THSD7A: variants seen among roughly 807,000 people sequenced by gnomAD.
The protein encoded by THSD7A is thrombospondin type-1 domain-containing protein 7A.
A neutral mutation model predicts 231.3 loss-of-function variants in THSD7A; 96 were observed. That is an observed-to-expected ratio of 0.41 (90% CI 0.35 to 0.49). The LOEUF is 0.49. Ranked by LOEUF, THSD7A falls within the 20% of genes least tolerant of loss-of-function variation. The pLI, the probability that THSD7A is intolerant of heterozygous loss-of-function variation, is 0.05. For missense variants in THSD7A, 2,290 were observed against 2,070.2 expected (o/e 1.11, Z -2.06); for synonymous variants, 940 against 743.3 (o/e 1.26, Z -4.30).
intron 1 of THSD7A, among the ~76,000 whole-genome samples, chr7:11,711,862 A>T (rs1433777706): frequency 6.6e-6 from 1 of 151,130 alleles, no homozygotes; most frequent in African/African-American, 2.4e-5. Context: ...ATCCATATAA[A>T]TAAAAGCCTC....
intron 1 of THSD7A, among the ~76,000 whole-genome samples, chr7:11,652,381 G>C (rs1035543477): frequency 6.6e-6 from 1 of 151,868 alleles, no homozygotes; most frequent in East Asian, 1.9e-4. Flanking sequence ...ACACTAAAAC[G>C]CATGACTTAT....
At chr7:11,740,550 C>T (rs1562520481) in intron 1 of THSD7A, among the ~76,000 whole-genome samples, 1 of 151,940 alleles carries the variant, frequency 6.6e-6, no homozygotes, top group Non-Finnish European at 1.5e-5. Context: ...TCTTTTCCCC[C>T]TCAGCAGCTG....
chr7:11,545,739 CAGAG>C (rs1288495187), intron 4 of THSD7A, among the ~76,000 whole-genome samples: 2 of 152,152 alleles, frequency 1.3e-5, no homozygotes, highest in Non-Finnish European at 2.9e-5. Flanking sequence ...TTTGAGTTTG[CAGAG>C]AGAGCTTATT....
chr7:11,446,895 A>G lies in THSD7A; in HGVS notation c.2800+335T>C, dbSNP rs1182488987. On this transcript the variant is annotated intron_variant, in intron 12 of 27. Transcript: ENST00000423059. The surrounding 1 kb of genome is among the most constrained non-coding windows in gnomAD (Gnocchi z 4.0). Reference sequence around the variant, plus strand: ...ATAATCTGAGGCTCTGACAGTGAGAATGGGTTAACAAAGTAGCAACTTTTT... The same window carrying G: ...ATAATCTGAGGCTCTGACAGTGAGAGTGGGTTAACAAAGTAGCAACTTTTT... Among the ~76,000 whole-genome samples, 2 of 152,112 alleles carry G rather than the reference A, an allele frequency of 1.3e-5. No homozygotes were observed. Among genetic ancestry groups the G allele is most frequent in the Non-Finnish European group, 2.9e-5 (2 of 67,994 alleles).
intron 16 of THSD7A, among the ~76,000 whole-genome samples, chr7:11,419,113 T>C (rs1244156897): frequency 6.6e-6 from 1 of 152,176 alleles, no homozygotes; most frequent in African/African-American, 2.4e-5. Context: ...AAGGATTAAC[T>C]TGTAGAATTA....
chr7:11,541,687 GAAAGTTGAATAAAACCTCAGAGTA>G, intron 5 of THSD7A, 56 bp from the exon 6 acceptor site: 2 of 1,510,642 alleles, frequency 1.3e-6, no homozygotes, highest in Non-Finnish European at 9.1e-7. Flanking sequence ...TAGTATTTCA[GAAAGTTGAATAAAACCTCAGAGTA>G]AAAGTTGGAT....
intron 2 of THSD7A, among the ~76,000 whole-genome samples, chr7:11,617,766 C>G (rs774900744): frequency 1.3e-5 from 2 of 151,946 alleles, no homozygotes; most frequent in Non-Finnish European, 2.9e-5. Flanking sequence ...ATCACAAGGA[C>G]TATAGGCGGG....
At chr7:11,460,345 A>C (rs1785458600) in intron 11 of THSD7A, among the ~76,000 whole-genome samples, 1 of 151,256 alleles carries the variant, frequency 6.6e-6, no homozygotes, top group Non-Finnish European at 1.5e-5. Context: ...TGGATACCGT[A>C]ATCTAAAAAC....
chr7:11,590,330 G>T lies in THSD7A; in HGVS notation c.1453+130C>A. 3.5e-6 allele frequency: 3 copies of T among 866,748 alleles called. No homozygotes were observed. The highest frequency in any genetic ancestry group is 1.7e-5 in the African/African-American group (1 of 58,406). 53.7% of individuals were successfully genotyped at this position (866,748 alleles called of 1,614,324 possible). ...AATGTGGATTACTGTTTACCATAGT[G>T]AATACCAACCACAATGTGAACAGAA... On this transcript the variant is annotated intron_variant, in intron 4 of 27. Transcript: ENST00000423059. The surrounding 1 kb of genome is among the most constrained non-coding windows in gnomAD (Gnocchi z 4.4).
At chr7:11,694,887 G>A (rs999203107) in intron 1 of THSD7A, among the ~76,000 whole-genome samples, 4 of 151,432 alleles carry the variant, frequency 2.6e-5, no homozygotes, top group East Asian at 2.0e-4. Flanking sequence ...CCACATAAAC[G>A]TAGCATATCT....
chr7:11,778,182 A>T (rs964937002), intron 1 of THSD7A, among the ~76,000 whole-genome samples: 1 of 148,832 alleles, frequency 6.7e-6, no homozygotes, highest in Non-Finnish European at 1.5e-5. Context: ...AAAAAAAGAA[A>T]GCCCTTTCCT....
intron 4 of THSD7A, among the ~76,000 whole-genome samples, chr7:11,546,844 T>A (rs1205287483): frequency 6.6e-6 from 1 of 152,122 alleles, no homozygotes; most frequent in African/African-American, 2.4e-5. Flanking sequence ...ATGAAATAGC[T>A]TTTTTAAGAA....
intron 1 of THSD7A, among the ~76,000 whole-genome samples, chr7:11,800,239 T>TA: frequency 6.6e-6 from 1 of 152,246 alleles, no homozygotes; most frequent in African/African-American, 2.4e-5. Context: ...AACGAAACAC[T>TA]ATTCAGTCTT....
Position 11,374,455 on chromosome 7 carries a change from A to C in THSD7A, c.*1339T>G, listed in dbSNP as rs909559078. The C allele has an allele frequency of 9.9e-5, 15 of 152,104 alleles. No homozygotes were observed. Among genetic ancestry groups the C allele is most frequent in the Non-Finnish European group, 1.5e-4 (10 of 68,006 alleles). 9.4% of individuals were successfully genotyped at this position (152,104 alleles called of 1,614,324 possible). A position where few individuals can be genotyped will look rare whatever the true frequency, so the allele number is the denominator to read the frequency against. On this transcript the variant is annotated 3_prime_UTR_variant, in exon 28 of 28. Coordinates refer to ENST00000423059, the MANE Select transcript of THSD7A (RefSeq NM_015204.3). ...TTGCCAGTGAGAAAGGCAAAAGACT[A>C]TGGATTTTGAAATAACTGCCTGCAA...
chr7:11,373,823 T>A lies in THSD7A; in HGVS notation c.*1971A>T, dbSNP rs896830956. On this transcript the variant is annotated 3_prime_UTR_variant, in exon 28 of 28. Coordinates refer to ENST00000423059, the MANE Select transcript of THSD7A (RefSeq NM_015204.3). Reference sequence around the variant, plus strand: ...CACAGCTGTTTAAGATAAAATAGCATGTTAGTTATATTATTTTTCAAATAT... The same window carrying A: ...CACAGCTGTTTAAGATAAAATAGCAAGTTAGTTATATTATTTTTCAAATAT... The A allele has an allele frequency of 2.0e-5, 3 of 151,982 alleles. No homozygotes were observed. Among genetic ancestry groups the A allele is most frequent in the African/African-American group, 4.8e-5 (2 of 41,400 alleles). The allele number at this position is 151,982 out of a possible 1,614,324, so 9.4% of individuals were successfully genotyped here. A position where few individuals can be genotyped will look rare whatever the true frequency, so the allele number is the denominator to read the frequency against.
intron 1 of THSD7A, among the ~76,000 whole-genome samples, chr7:11,826,826 A>C (rs1445127010): frequency 6.6e-6 from 1 of 151,930 alleles, no homozygotes; most frequent in Non-Finnish European, 1.5e-5. Context: ...AAAAAAAAAA[A>C]AAAAAAATGC....
At chr7:11,581,253 G>A (rs1254077273) in intron 4 of THSD7A, among the ~76,000 whole-genome samples, 2 of 151,788 alleles carry the variant, frequency 1.3e-5, no homozygotes, top group Non-Finnish European at 2.9e-5. Flanking sequence ...ACTTAACTGG[G>A]TATTTATACG....
chr7:11,514,154 A>T (rs949043005), intron 6 of THSD7A, among the ~76,000 whole-genome samples: 2 of 151,586 alleles, frequency 1.3e-5, no homozygotes, highest in Non-Finnish European at 2.9e-5. Context: ...GCTCTCCTTG[A>T]CCACTCAAAA....
intron 1 of THSD7A, among the ~76,000 whole-genome samples, chr7:11,723,686 C>T (rs913853167): frequency 1.3e-5 from 2 of 151,696 alleles, no homozygotes; most frequent in East Asian, 3.9e-4. Flanking sequence ...GATCAGGAGG[C>T]TAGCCACTTA....
Sources: allele counts gnomAD v4.1 joint callset (sites outside exome capture counted in the v4.1 genomes callset), GRCh38; gene constraint gnomAD v4.1.1; non-coding constraint Gnocchi (gnomAD v3.1); transcripts MANE v1.5; gene names NCBI Gene and HGNC (gene_info 2026-07-23, HGNC 2026-07-21).